GLG1: variants seen among roughly 807,000 people sequenced by gnomAD.
The protein encoded by GLG1 is Golgi apparatus protein 1.
Under a neutral mutation model 160.5 loss-of-function variants are expected in GLG1, and 38 were observed. The observed-to-expected ratio is 0.24, with a 90% CI of 0.18 to 0.31. GLG1 has a LOEUF of 0.31. Among genes scored for constraint, GLG1 ranks in the 10% least tolerant of loss-of-function variants. The pLI is 1.00. For synonymous variants in GLG1, 644 were observed against 543.4 expected (o/e 1.19, Z -2.57); for missense variants, 1,373 against 1,505.2 (o/e 0.91, Z 1.45).
At chr16:74,521,976 C>T (rs1053565121) in intron 2 of GLG1, among the ~76,000 whole-genome samples, 3 of 152,164 alleles carry the variant, frequency 2.0e-5, no homozygotes, top group Non-Finnish European at 2.9e-5. Flanking sequence ...TATGAGTCAC[C>T]ACATTCAGCA....
chr16:74,550,023 G>T (rs1165863390), intron 1 of GLG1, among the ~76,000 whole-genome samples: 1 of 152,242 alleles, frequency 6.6e-6, no homozygotes, highest in Non-Finnish European at 1.5e-5. Context: ...AGGTTGAGAG[G>T]ACAAGACTGC....
Position 74,469,051 on chromosome 16 carries a change from C to A in GLG1, c.2331G>T (p.Val777=). The A allele has an allele frequency of 6.2e-7, 1 of 1,612,888 alleles. No individual in the cohort carries two copies. The highest frequency in any genetic ancestry group is 8.5e-7 in the Non-Finnish European group (1 of 1,178,824). ...TGCGCACGGTCGTGCTCAGGCAGAT[C>A]ACCACGTCCACCCTGCAGACGAAAG... ...CPNIKKKVDV[V]ICLSTTVRND... The change falls in exon 17 of 26, where the codon GTG becomes GTT. Residue 777 remains valine (V), a synonymous_variant. Transcript: ENST00000422840.
chr16:74,495,835 T>C (rs935141232), intron 5 of GLG1, among the ~76,000 whole-genome samples: 2 of 152,216 alleles, frequency 1.3e-5, no homozygotes, highest in African/African-American at 4.8e-5. Flanking sequence ...AAGCCAGCTG[T>C]TAACCAAATG....
At chr16:74,602,291 A>G (rs1256884827) in intron 1 of GLG1, among the ~76,000 whole-genome samples, 1 of 152,228 alleles carries the variant, frequency 6.6e-6, no homozygotes, top group South Asian at 2.1e-4. Flanking sequence ...AGGTGGCAAG[A>G]AAGAATTTTT....
chr16:74,565,669 CT>C (rs1265579211), intron 1 of GLG1, among the ~76,000 whole-genome samples: 2 of 152,222 alleles, frequency 1.3e-5, no homozygotes, highest in African/African-American at 4.8e-5. Flanking sequence ...CATAAATCCT[CT>C]CCAACCATAC....
intron 1 of GLG1, among the ~76,000 whole-genome samples, chr16:74,542,718 GAAGGAAGGAAGGA>G (rs2017914367): frequency 5.8e-5 from 3 of 51,460 alleles, no homozygotes; most frequent in Admixed American, 2.8e-4. Flanking sequence ...GGGAAGAAGG[GAAGGAAGGAAGGA>G]AGGGAGGAAG....
intron 4 of GLG1, among the ~76,000 whole-genome samples, chr16:74,503,291 A>G (rs1273590095): frequency 6.6e-6 from 1 of 152,120 alleles, no homozygotes. Context: ...TATTGTGAAG[A>G]TAACACCACT....
chr16:74,568,285 G>A (rs1364457607), intron 1 of GLG1, among the ~76,000 whole-genome samples: 1 of 152,142 alleles, frequency 6.6e-6, no homozygotes, highest in Admixed American at 6.5e-5. Context: ...CTTTTTACCT[G>A]AAGCTAGTTT....
chr16:74,559,539 C>CCTCTGTCCTCTTTAGGCCAGG (rs2018450524), intron 1 of GLG1, among the ~76,000 whole-genome samples: 1 of 152,076 alleles, frequency 6.6e-6, no homozygotes, highest in South Asian at 2.1e-4. Context: ...CTTCCTTAAT[C>CCTCTGTCCTCTTTAGGCCAGG]CTCTGTCCTC....
intron 1 of GLG1, among the ~76,000 whole-genome samples, chr16:74,543,031 C>A (rs1455013757): frequency 6.6e-6 from 1 of 151,970 alleles, no homozygotes; most frequent in Non-Finnish European, 1.5e-5. Flanking sequence ...CGAGTACCTG[C>A]ACATGCCACA....
At chr16:74,603,556 G>C (rs1042501298) in intron 1 of GLG1, among the ~76,000 whole-genome samples, 1 of 152,052 alleles carries the variant, frequency 6.6e-6, no homozygotes, top group Non-Finnish European at 1.5e-5. Context: ...GATTTCAAGT[G>C]TGAGCCACTG....
At position 74,494,777 on chromosome 16, in the gene GLG1, C is replaced by T. The variant is rs762568138; in HGVS notation, c.1033G>A (p.Glu345Lys). ...YKCLFNHKFE[E>K]SMSEKCREAL... ...ATACTTACCTTTTCACTCATGGATT[C>T]TTCAAATTTATGGTTAAAGAGGCAC... The change falls in exon 6 of 26, where the codon GAA (glutamate) becomes AAA (lysine). Residue 345 changes from glutamate (E) to lysine (K), a missense_variant. Transcript: ENST00000422840. The T allele has an allele frequency of 1.4e-6, 2 of 1,455,034 alleles. No homozygotes were observed. The highest frequency in any genetic ancestry group is 4.5e-5 in the East Asian group (2 of 44,096). 90.1% of individuals were successfully genotyped at this position (1,455,034 alleles called of 1,614,324 possible).
chr16:74,547,371 A>G (rs541473563), intron 1 of GLG1, among the ~76,000 whole-genome samples: 2 of 151,986 alleles, frequency 1.3e-5, no homozygotes, highest in East Asian at 3.9e-4. Flanking sequence ...ATTTAAGATT[A>G]AGCAGATCTA....
At chr16:74,523,237 G>T (rs1305000202) in intron 2 of GLG1, among the ~76,000 whole-genome samples, 1 of 152,104 alleles carries the variant, frequency 6.6e-6, no homozygotes, top group Non-Finnish European at 1.5e-5. Context: ...TTCACATTTG[G>T]ATCTGCAGGG....
intron 11 of GLG1, among the ~76,000 whole-genome samples, chr16:74,479,077 A>AAAAAAAAAAAAAAAAAAC (rs2015503342): frequency 8.8e-6 from 1 of 113,646 alleles, no homozygotes; most frequent in Non-Finnish European, 1.9e-5. Context: ...AAAAAAAAAA[A>AAAAAAAAAAAAAAAAAAC]AGCCAGGCAT....
At chr16:74,526,071 CCAAA>C (rs1417587165) in intron 2 of GLG1, among the ~76,000 whole-genome samples, 5 of 151,584 alleles carry the variant, frequency 3.3e-5, no homozygotes, top group African/African-American at 9.7e-5. Context: ...GGCCAGATAC[CCAAA>C]CAATTTTCCG....
intron 4 of GLG1, among the ~76,000 whole-genome samples, chr16:74,502,722 G>GTTT (rs745410150): frequency 4.6e-5 from 5 of 109,574 alleles, no homozygotes; most frequent in Non-Finnish European, 7.2e-5. Flanking sequence ...TTTGTTTTTG[G>GTTT]TTTTTTTTTT....
chr16:74,523,172 C>T (rs2017223816), intron 2 of GLG1, among the ~76,000 whole-genome samples: 1 of 152,170 alleles, frequency 6.6e-6, no homozygotes, highest in African/African-American at 2.4e-5. Flanking sequence ...GAAATCTTTG[C>T]CAATCTCCAA....
chr16:74,469,428 A>G (rs2015118855), intron 16 of GLG1: 1 of 226,260 alleles, frequency 4.4e-6, no homozygotes, highest in Non-Finnish European at 8.8e-6. Flanking sequence ...TGAAAGGTAG[A>G]GAAACCTGAG....
Sources: gnomAD v4.1 joint callset for allele counts (sites outside exome capture counted in the v4.1 genomes callset) on GRCh38, gnomAD v4.1.1 for gene constraint, MANE v1.5 for transcripts, NCBI Gene and HGNC (gene_info 2026-07-23, HGNC 2026-07-21) for gene names.